TPTE2: variants seen among roughly 807,000 people sequenced by gnomAD.
TPTE2 encodes the protein phosphatidylinositol 3,4,5-trisphosphate 3-phosphatase TPTE2.
A neutral mutation model predicts 78.6 loss-of-function variants in TPTE2; 53 were observed. The observed-to-expected ratio is 0.67, with a 90% CI of 0.54 to 0.85. The LOEUF is 0.85. TPTE2 is among the 40% of genes least tolerant of loss of function. The pLI, the probability that TPTE2 is intolerant of heterozygous loss-of-function variation, is 0.00. For synonymous variants in TPTE2, 175 were observed against 206.2 expected (o/e 0.85, Z 1.30); for missense variants, 461 against 623.0 (o/e 0.74, Z 2.77).
At chr13:19,437,567 AT>A (rs748686334) in intron 14 of TPTE2, among the ~76,000 whole-genome samples, 2 of 152,166 alleles carry the variant, frequency 1.3e-5, no homozygotes, top group Non-Finnish European at 2.9e-5. Context: ...TCTTTGGAGA[AT>A]TTATCTAATT....
intron 4 of TPTE2, among the ~76,000 whole-genome samples, chr13:19,480,328 G>A (rs1424490213): frequency 3.9e-5 from 6 of 152,144 alleles, no homozygotes; most frequent in Admixed American, 1.3e-4. Flanking sequence ...TTCATGCTGA[G>A]AAAACTATGA....
At chr13:19,427,639 C>A (rs1006407094) in intron 17 of TPTE2, among the ~76,000 whole-genome samples, 1 of 152,104 alleles carries the variant, frequency 6.6e-6, no homozygotes, top group African/African-American at 2.4e-5. Flanking sequence ...GTTGGGCCTG[C>A]ATGCTCCTCC....
chr13:19,541,925 G>A, the TPTE2 span, among the ~76,000 whole-genome samples: 1 of 151,952 alleles, frequency 6.6e-6, no homozygotes, highest in Non-Finnish European at 1.5e-5. Context: ...TGAATGTTCA[G>A]TAGAACATTC....
At chr13:19,476,582 G>C (rs1879952043) in intron 4 of TPTE2, among the ~76,000 whole-genome samples, 1 of 152,098 alleles carries the variant, frequency 6.6e-6, no homozygotes, top group Non-Finnish European at 1.5e-5. Flanking sequence ...CTCAAAAGAA[G>C]ACATGCATGT....
At chr13:19,559,727 C>T in the TPTE2 span, among the ~76,000 whole-genome samples, 1 of 142,556 alleles carries the variant, frequency 7.0e-6, no homozygotes, top group South Asian at 2.4e-4. Flanking sequence ...CACACATCCC[C>T]TGCAGCCCCC....
chr13:19,455,107 C>G (rs1878459428), intron 10 of TPTE2, among the ~76,000 whole-genome samples: 1 of 152,040 alleles, frequency 6.6e-6, no homozygotes, highest in Admixed American at 6.6e-5. Flanking sequence ...CAAAATTGGC[C>G]AAGGGAGTGG....
chr13:19,468,338 G>T (rs1258153913), intron 6 of TPTE2, among the ~76,000 whole-genome samples: 1 of 152,000 alleles, frequency 6.6e-6, no homozygotes, highest in Non-Finnish European at 1.5e-5. Context: ...ATTGCACTTG[G>T]CCAGGATCTT....
the TPTE2 span, among the ~76,000 whole-genome samples, chr13:19,551,613 C>T: frequency 1.3e-5 from 2 of 151,818 alleles, no homozygotes; most frequent in Non-Finnish European, 2.9e-5. Context: ...TATGAATATA[C>T]AAAATATTAA....
chr13:19,527,301 A>C (rs1191049149), intron 1 of TPTE2, among the ~76,000 whole-genome samples: 1 of 152,232 alleles, frequency 6.6e-6, no homozygotes, highest in Non-Finnish European at 1.5e-5. Flanking sequence ...AAATAGCTCT[A>C]AAAGAGGACT....
intron 13 of TPTE2, among the ~76,000 whole-genome samples, chr13:19,444,894 G>A (rs1877730232): frequency 1.3e-5 from 2 of 152,154 alleles, no homozygotes; most frequent in Non-Finnish European, 1.5e-5. Context: ...AAAATCTTCT[G>A]AACCATTGTG....
upstream of TPTE2, among the ~76,000 whole-genome samples, chr13:19,507,360 C>T (rs894205894): frequency 2.7e-5 from 4 of 146,796 alleles, no homozygotes; most frequent in Admixed American, 1.4e-4. Flanking sequence ...ACAATAGTGA[C>T]CATCCCTGCC....
chr13:19,435,143 G>C (rs556878863), intron 15 of TPTE2, among the ~76,000 whole-genome samples: 2 of 152,276 alleles, frequency 1.3e-5, no homozygotes, highest in South Asian at 2.1e-4. Flanking sequence ...AGAGACTTAG[G>C]AGACACAGAA....
intron 1 of TPTE2, among the ~76,000 whole-genome samples, chr13:19,495,143 A>T (rs1261187959): frequency 1.3e-5 from 2 of 151,732 alleles, no homozygotes; most frequent in Non-Finnish European, 2.9e-5. Context: ...ACCTCCAATC[A>T]CCTCCTCACT....
chr13:19,446,929 C>T (rs572339033), intron 13 of TPTE2, among the ~76,000 whole-genome samples: 1 of 152,056 alleles, frequency 6.6e-6, no homozygotes, highest in East Asian at 1.9e-4. Context: ...AGTGACAGAG[C>T]GAGATCATGT....
chr13:19,446,513 A>T (rs1877846469), intron 13 of TPTE2, among the ~76,000 whole-genome samples: 1 of 152,250 alleles, frequency 6.6e-6, no homozygotes, highest in African/African-American at 2.4e-5. Context: ...AATACTAAAA[A>T]TGGAACTTGA....
intron 9 of TPTE2, among the ~76,000 whole-genome samples, chr13:19,464,783 T>C (rs1023642997): frequency 6.6e-6 from 1 of 152,212 alleles, no homozygotes; most frequent in Non-Finnish European, 1.5e-5. Flanking sequence ...CAGTCTGAAG[T>C]TCCCCCTGTT....
chr13:19,476,728 G>A (rs1879963614), intron 4 of TPTE2, among the ~76,000 whole-genome samples: 1 of 152,148 alleles, frequency 6.6e-6, no homozygotes, highest in African/African-American at 2.4e-5. Flanking sequence ...ATGCAGGCAA[G>A]GTTGCAGAGA....
rs370721235 is a variant in TPTE2, at chr13:19,430,633, G to C, written c.1223-86C>G. 3.2e-4 allele frequency: 273 copies of C among 865,072 alleles called. 2 individuals are homozygous for C. The African/African-American group carries it at 3.7e-3, about 12-fold the overall frequency. The allele number at this position is 865,072 out of a possible 1,614,324, so 53.6% of individuals were successfully genotyped here. A position where few individuals can be genotyped will look rare whatever the true frequency, so the allele number is the denominator to read the frequency against. ...ACCACTTAACATCATGGATTAAAAA[G>C]AGAAAAAATTATCCAAGCTAACAAC... is the stretch of plus-strand genomic sequence containing the variant. On this transcript the variant is annotated intron_variant, in intron 16 of 19. Transcript: ENST00000400230.
chr13:19,494,295 A>C (rs539947270), intron 1 of TPTE2, among the ~76,000 whole-genome samples: 42 of 152,342 alleles, frequency 2.8e-4, no homozygotes, highest in African/African-American at 1.0e-3. Flanking sequence ...ATGATAAAGA[A>C]CCTGTGTCAA....
Sources: gnomAD v4.1 joint callset for allele counts (sites outside exome capture counted in the v4.1 genomes callset) on GRCh38, gnomAD v4.1.1 for gene constraint, MANE v1.5 for transcripts, NCBI Gene and HGNC (gene_info 2026-07-23, HGNC 2026-07-21) for gene names.